PDE7A: variants seen among roughly 807,000 people sequenced by gnomAD.
PDE7A encodes phosphodiesterase 7A, also known as high affinity 3',5'-cyclic-AMP phosphodiesterase 7A.
Under a neutral mutation model 64.3 loss-of-function variants are expected in PDE7A, and 39 were observed. The observed-to-expected ratio is 0.61, with a 90% CI of 0.47 to 0.79. The LOEUF (loss-of-function observed/expected upper bound fraction) is 0.79, where lower values mean the gene tolerates loss of function less well. Ranked by LOEUF, PDE7A falls within the 30% of genes least tolerant of loss-of-function variation. The pLI is 0.00. For missense variants in PDE7A, 470 were observed against 582.8 expected, an observed-to-expected ratio of 0.81 and a Z score of 1.99; for synonymous variants, 203 against 206.8, an observed-to-expected ratio of 0.98 and a Z score of 0.16.
chr8:65,759,854 C>T (rs1201520024), intron 3 of PDE7A, among the ~76,000 whole-genome samples: 1 of 152,062 alleles, frequency 6.6e-6, no homozygotes, highest in African/African-American at 2.4e-5. Flanking sequence ...CACCCTGGTA[C>T]TCTAGATTTT....
intron 1 of PDE7A, among the ~76,000 whole-genome samples, chr8:65,786,856 T>C (rs1809570557): frequency 1.3e-5 from 2 of 152,180 alleles, no homozygotes; most frequent in Non-Finnish European, 2.9e-5. Flanking sequence ...GAGGCTGAGC[T>C]AATCAGAAAC....
intron 6 of PDE7A, among the ~76,000 whole-genome samples, chr8:65,737,194 G>T (rs1464164460): frequency 6.6e-6 from 1 of 152,056 alleles, no homozygotes; most frequent in Non-Finnish European, 1.5e-5. Flanking sequence ...TTCCAGATAT[G>T]CTGCACAAAA....
intron 5 of PDE7A, among the ~76,000 whole-genome samples, chr8:65,740,981 C>T (rs1249744092): frequency 6.6e-6 from 1 of 152,178 alleles, no homozygotes; most frequent in Non-Finnish European, 1.5e-5. Context: ...TGTTTTCGTC[C>T]TCAACGTCCA....
chr8:65,753,527 A>G (rs1563488885), intron 3 of PDE7A, among the ~76,000 whole-genome samples: 1 of 151,652 alleles, frequency 6.6e-6, no homozygotes, highest in Non-Finnish European at 1.5e-5. Context: ...ACCCACCCCT[A>G]AGCTTTAAAA....
At chr8:65,798,199 TATATATA>T (rs1444399789) in intron 1 of PDE7A, among the ~76,000 whole-genome samples, 393 of 22,516 alleles carry the variant, frequency 0.017, 7 homozygotes, top group Admixed American at 0.029. Context: ...TATATATATA[TATATATA>T]TTTTTTTTTT....
At chr8:65,774,522 G>A (rs879588470) in intron 3 of PDE7A, among the ~76,000 whole-genome samples, 27 of 151,622 alleles carry the variant, frequency 1.8e-4, no homozygotes, top group Non-Finnish European at 3.4e-4. Context: ...GGAGTCTTTC[G>A]CACTCTTAAA....
intron 1 of PDE7A, among the ~76,000 whole-genome samples, chr8:65,817,019 G>A (rs76174665): frequency 0.036 from 5,511 of 152,126 alleles, 142 homozygotes; most frequent in African/African-American, 0.075. Context: ...TTTTTCAAAT[G>A]TTTTCAAGAT....
rs142337219 is a variant in PDE7A, at chr8:65,736,553, G to T, written c.596-1659C>A. ...GGATTGCTTGAGGCCAGGAGTTTGA[G>T]ACCAGCCTAGGCCATTAGCAAGACC... is the stretch of plus-strand genomic sequence containing the variant. On this transcript the variant is annotated intron_variant, in intron 6 of 12. Coordinates refer to ENST00000401827, the MANE Select transcript of PDE7A (RefSeq NM_001242318.3). Among the ~76,000 whole-genome samples, 1,205 of 152,182 alleles carry T rather than the reference G, an allele frequency of 7.9e-3. 14 individuals are homozygous for T. Among genetic ancestry groups the T allele is most frequent in the African/African-American group, 0.026 (1,094 of 41,496 alleles).
intron 1 of PDE7A, among the ~76,000 whole-genome samples, chr8:65,805,473 C>A (rs1442712455): frequency 1.3e-5 from 2 of 152,214 alleles, no homozygotes; most frequent in Admixed American, 1.3e-4. Context: ...GCAACTCCAT[C>A]TTGGTTGCTA....
At chr8:65,840,808 T>C (rs1811061482) in intron 1 of PDE7A, among the ~76,000 whole-genome samples, 1 of 152,258 alleles carries the variant, frequency 6.6e-6, no homozygotes, top group African/African-American at 2.4e-5. Context: ...TTTGCAGACT[T>C]GTTCCTCTGA....
intron 1 of PDE7A, among the ~76,000 whole-genome samples, chr8:65,840,989 G>A (rs1025669414): frequency 2.0e-5 from 3 of 152,360 alleles, no homozygotes; most frequent in East Asian, 1.9e-4. Flanking sequence ...TGGGAAGGGG[G>A]ACAGGTATGT....
intron 1 of PDE7A, among the ~76,000 whole-genome samples, chr8:65,833,547 C>T (rs924294830): frequency 2.6e-5 from 4 of 152,198 alleles, no homozygotes; most frequent in African/African-American, 9.7e-5. Context: ...TCTTGGAGCA[C>T]AACAGGCCTT....
intron 7 of PDE7A, 130 bp from the exon 8 acceptor site, chr8:65,727,431 T>G (rs1417491186): frequency 1.0e-5 from 14 of 1,333,914 alleles, no homozygotes; most frequent in Non-Finnish European, 1.4e-5. Context: ...ATTCCTCAGG[T>G]GGTTGTTCAT....
At chr8:65,767,614 G>T (rs1365614184) in intron 3 of PDE7A, among the ~76,000 whole-genome samples, 1 of 152,046 alleles carries the variant, frequency 6.6e-6, no homozygotes, top group African/African-American at 2.4e-5. Flanking sequence ...CCATACCCTG[G>T]GGGAATCTGG....
chr8:65,726,587 T>C (rs1174228062), intron 9 of PDE7A, among the ~76,000 whole-genome samples: 3 of 152,208 alleles, frequency 2.0e-5, no homozygotes, highest in African/African-American at 7.2e-5. Flanking sequence ...TATCTATTTA[T>C]GTAAATAAGT....
intron 1 of PDE7A, among the ~76,000 whole-genome samples, chr8:65,812,340 G>C (rs1415803973): frequency 6.6e-6 from 1 of 152,158 alleles, no homozygotes; most frequent in Admixed American, 6.5e-5. Context: ...GGAGAAACTG[G>C]CTAGTAAATA....
chr8:65,798,976 G>A (rs1467459763), intron 1 of PDE7A, among the ~76,000 whole-genome samples: 1 of 152,140 alleles, frequency 6.6e-6, no homozygotes. Flanking sequence ...TGAGCTAAGT[G>A]AAAGAAGCCA....
intron 3 of PDE7A, among the ~76,000 whole-genome samples, chr8:65,779,483 AGAG>A (rs748111631): frequency 1.2e-4 from 19 of 152,352 alleles, no homozygotes; most frequent in Middle Eastern, 3.4e-3. Flanking sequence ...GTAATAAATT[AGAG>A]GAGAAGAGAA....
chr8:65,722,560 C>G (rs1301264586), intron 12 of PDE7A: 1 of 152,204 alleles, frequency 6.6e-6, no homozygotes, highest in Non-Finnish European at 1.5e-5. Flanking sequence ...AAATTACACT[C>G]CTCCCTCTAT....
Sources: allele counts gnomAD v4.1 joint callset (sites outside exome capture counted in the v4.1 genomes callset), GRCh38; gene constraint gnomAD v4.1.1; transcripts MANE v1.5; gene names NCBI Gene and HGNC (gene_info 2026-07-23, HGNC 2026-07-21).